MADCAM1: variants seen among roughly 807,000 people sequenced by gnomAD.
The protein encoded by MADCAM1 is mucosal vascular addressin cell adhesion molecule 1.
A neutral mutation model predicts 26.1 loss-of-function variants in MADCAM1; 19 were observed. That is an observed-to-expected ratio of 0.73 (90% confidence interval 0.51 to 1.07). MADCAM1 has a LOEUF of 1.07. MADCAM1 is among the 50% of genes least tolerant of loss of function. The probability of loss-of-function intolerance (pLI) is 0.00; values close to 1 mark genes in which losing one functional copy is unlikely to be tolerated. For missense variants in MADCAM1, 514 were observed against 542.1 expected, an observed-to-expected ratio of 0.95 and a Z score of 0.51; for synonymous variants, 268 against 260.9, an observed-to-expected ratio of 1.03 and a Z score of -0.26.
At chr19:502,516 G>T (rs918222308) in intron 4 of MADCAM1, among the ~76,000 whole-genome samples, 4 of 152,028 alleles carry the variant, frequency 2.6e-5, no homozygotes, top group Non-Finnish European at 5.9e-5. Context: ...TGACCACGCT[G>T]GTCTCCAACT....
In MADCAM1 at chr19:497,816, A is replaced by AGCCGCGGTC; in HGVS notation, c.53-11_53-3dup. On this transcript the variant is annotated splice_polypyrimidine_tract_variant and intron_variant, in intron 1 of 4. Coordinates refer to ENST00000215637, the MANE Select transcript of MADCAM1 (RefSeq NM_130760.3). ...CCGGGACTCCGCGGGGCTGAGCGAG[A>AGCCGCGGTC]GCCGCGGTCGCCGCAGGCCAGTCCC... 1 of 1,269,064 alleles carries AGCCGCGGTC rather than the reference A, an allele frequency of 7.9e-7. No individual in the cohort carries two copies. Among genetic ancestry groups the AGCCGCGGTC allele is most frequent in the Non-Finnish European group, 9.9e-7 (1 of 1,009,794 alleles). 78.6% of individuals were successfully genotyped at this position (1,269,064 alleles called of 1,614,324 possible).
intron 3 of MADCAM1, chr19:499,914 G>A: frequency 2.2e-6 from 1 of 453,822 alleles, no homozygotes; most frequent in Non-Finnish European, 4.4e-6. Flanking sequence ...CCATGTTAAT[G>A]GACGTGAGGT....
Position 502,062 on chromosome 19 carries a change from T to C in MADCAM1, c.928+133T>C, listed in dbSNP as rs183603420. 1,560 of 1,034,390 alleles carry C rather than the reference T, an allele frequency of 1.5e-3. 24 individuals carry two copies. In the African/African-American group the frequency reaches 0.023, roughly 15 times the overall value. 64.1% of individuals were successfully genotyped at this position (1,034,390 alleles called of 1,614,324 possible). On this transcript the variant is annotated intron_variant, in intron 4 of 4. Coordinates refer to ENST00000215637, the MANE Select transcript of MADCAM1 (RefSeq NM_130760.3). The stretch of plus-strand genomic sequence containing the variant: ...CGTCTGCCCAGCCTCAGTTTCCCCG[T>C]CTGCCCAGCCTCGGTTTCCCCATCT...
At chr19:498,933 G>C (rs1048902262) in intron 3 of MADCAM1, 108 bp downstream of exon 3, 1 of 1,361,374 alleles carries the variant, frequency 7.3e-7, no homozygotes, top group Non-Finnish European at 9.8e-7. Context: ...GGGGCGCTGG[G>C]AGGACTGGAT....
chr19:497,115 T>G (rs1165271983), intron 1 of MADCAM1, among the ~76,000 whole-genome samples: 21 of 7,396 alleles, frequency 2.8e-3, no homozygotes, highest in East Asian at 0.013. Context: ...TGGAGGGGGC[T>G]CAGGAGAGAG....
intron 4 of MADCAM1, among the ~76,000 whole-genome samples, chr19:503,356 C>G (rs188850314): frequency 1.4e-5 from 2 of 147,900 alleles, no homozygotes; most frequent in Non-Finnish European, 3.0e-5. Flanking sequence ...CCAAGGCGGG[C>G]GGATCACGAG....
intron 3 of MADCAM1, chr19:500,083 G>T (rs1420208460): frequency 2.2e-6 from 1 of 456,038 alleles, no homozygotes; most frequent in South Asian, 1.5e-5. Context: ...CTCCCCATCA[G>T]TCCCACAGGG....
In MADCAM1 at chr19:498,563, G is replaced by C; in HGVS notation, c.405G>C (p.Thr135=). ...CTGGTGACCCGGAGGTGGCCTGTAC[G>C]GCCCACAAAGTCACGCCCGTGGACC... ...LVPGDPEVAC[T]AHKVTPVDPN... The change falls in exon 3 of 5, where the codon ACG becomes ACC. Residue 135 remains threonine, a synonymous_variant. Transcript: ENST00000215637. The C allele has an allele frequency of 6.8e-7, 1 of 1,476,874 alleles. No individual in the cohort carries two copies. Among genetic ancestry groups the C allele is most frequent in the East Asian group, 2.6e-5 (1 of 38,942 alleles). 91.5% of individuals were successfully genotyped at this position (1,476,874 alleles called of 1,614,324 possible). A position where few individuals can be genotyped will look rare whatever the true frequency, so the allele number is the denominator to read the frequency against.
Position 501,814 on chromosome 19 carries a change from G to GC in MADCAM1, c.816dup (p.Ala273ArgfsTer22). On this transcript the variant is annotated frameshift_variant, in exon 4 of 5. Coordinates refer to ENST00000215637, the MANE Select transcript of MADCAM1 (RefSeq NM_130760.3). LOFTEE classifies it high-confidence loss of function. The stretch of plus-strand genomic sequence containing the variant: ...AGCCTCCCGACAAGACCTCCCCGGA[G>GC]CCCGCCCCCCAGCAGGGCTCCACAC... 6.4e-7 allele frequency: 1 copy of GC among 1,560,602 alleles called. No homozygotes were observed. Among genetic ancestry groups the GC allele is most frequent in the East Asian group, 2.4e-5 (1 of 41,140 alleles).
chr19:497,821 C>A lies in MADCAM1; in HGVS notation c.53-12C>A. On this transcript the variant is annotated splice_polypyrimidine_tract_variant and intron_variant, in intron 1 of 4. Transcript: ENST00000215637. ...ACTCCGCGGGGCTGAGCGAGAGCCG[C>A]GGTCGCCGCAGGCCAGTCCCTCCAG... 1.6e-6 allele frequency: 2 copies of A among 1,270,014 alleles called. No homozygotes were observed. Among genetic ancestry groups the A allele is most frequent in the Non-Finnish European group, 2.0e-6 (2 of 1,010,200 alleles). 78.7% of individuals were successfully genotyped at this position (1,270,014 alleles called of 1,614,324 possible). A position where few individuals can be genotyped will look rare whatever the true frequency, so the allele number is the denominator to read the frequency against.
At chr19:501,627 G>T in intron 3 of MADCAM1, 42 bp from the exon 4 acceptor site, 1 of 1,541,708 alleles carries the variant, frequency 6.5e-7, no homozygotes, top group African/African-American at 1.4e-5. Flanking sequence ...AGGCAAGCCT[G>T]GGGCAGCAGA....
At chr19:497,689 G>A in intron 1 of MADCAM1, 144 bp from the exon 2 acceptor site, 1 of 607,310 alleles carries the variant, frequency 1.6e-6, no homozygotes. Flanking sequence ...GGGTAGCGGC[G>A]GGGCAGGGGT....
Position 498,733 on chromosome 19 carries a change from C to T in MADCAM1, c.575C>T (p.Pro192Leu). ...AGGGTGACAGAGCGCTGGCGGCTGC[C>T]GCCCCTGGGGACCCCTGTCCCGCCC... ...LFRVTERWRL[P>L]PLGTPVPPAL... Residue 192 changes from proline to leucine, a missense_variant, in exon 3 of 5, where the codon CCG becomes CTG. By Grantham distance (98) the Pro-to-Leu change is moderately conservative. Coordinates refer to ENST00000215637, the MANE Select transcript of MADCAM1 (RefSeq NM_130760.3). 1.4e-6 allele frequency: 2 copies of T among 1,459,922 alleles called. No individual in the cohort carries two copies. Among genetic ancestry groups the T allele is most frequent in the East Asian group, 2.6e-5 (1 of 38,856 alleles). 90.4% of individuals were successfully genotyped at this position (1,459,922 alleles called of 1,614,324 possible). A position where few individuals can be genotyped will look rare whatever the true frequency, so the allele number is the denominator to read the frequency against.
At chr19:504,008 T>C (rs1461338302) in intron 4 of MADCAM1, among the ~76,000 whole-genome samples, 1 of 148,668 alleles carries the variant, frequency 6.7e-6, no homozygotes, top group African/African-American at 2.5e-5. Context: ...TGAGCTAAGA[T>C]CACGCCATTG....
chr19:504,803 G>C lies in MADCAM1; in HGVS notation c.987G>C (p.Leu329=). The C allele has an allele frequency of 6.2e-7, 1 of 1,612,984 alleles. No individual in the cohort carries two copies. The highest frequency in any genetic ancestry group is 8.5e-7 in the Non-Finnish European group (1 of 1,179,946). The change falls in exon 5 of 5, where the codon CTG becomes CTC. Residue 329 remains leucine, a synonymous_variant. Transcript: ENST00000215637. ...PAALWTSSAV[L]GLLLLALPTY... ...CTCTGTGGACCAGCAGTGCGGTGCT[G>C]GGACTGCTGCTCCTGGCCTTGCCCA... is the stretch of plus-strand genomic sequence containing the variant.
At position 497,813 on chromosome 19, in the gene MADCAM1, G is replaced by T. The variant is rs1477824529; in HGVS notation, c.53-20G>T. On this transcript the variant is annotated intron_variant, in intron 1 of 4. Coordinates refer to ENST00000215637, the MANE Select transcript of MADCAM1 (RefSeq NM_130760.3). ...GGTCCGGGACTCCGCGGGGCTGAGC[G>T]AGAGCCGCGGTCGCCGCAGGCCAGT... The T allele has an allele frequency of 7.9e-6, 10 of 1,268,928 alleles. No individual in the cohort carries two copies. Among genetic ancestry groups the T allele is most frequent in the Non-Finnish European group, 9.9e-6 (10 of 1,009,754 alleles). The allele number at this position is 1,268,928 out of a possible 1,614,324, so 78.6% of individuals were successfully genotyped here.
Position 497,877 on chromosome 19 carries a change from C to A in MADCAM1, c.97C>A (p.Pro33Thr). 2 of 1,348,976 alleles carry A rather than the reference C, an allele frequency of 1.5e-6. No homozygotes were observed. The highest frequency in any genetic ancestry group is 1.9e-6 in the Non-Finnish European group (2 of 1,058,436). 83.6% of individuals were successfully genotyped at this position (1,348,976 alleles called of 1,614,324 possible). Reference protein sequence around the residue: ...VKPLQVEPPEPVVAVALGASR... With the variant: ...VKPLQVEPPETVVAVALGASR... ...GCCCCTGCAGGTGGAGCCCCCGGAG[C>A]CGGTGGTGGCCGTGGCCTTGGGCGC... The change falls in exon 2 of 5, where the codon CCG becomes ACG. Residue 33 changes from proline (P) to threonine (T), a missense_variant. Pro to Thr is a conservative substitution (Grantham distance 38). Transcript: ENST00000215637.
In MADCAM1 at chr19:501,211, C is replaced by T. The variant is rs919916854; in HGVS notation, c.668-458C>T. Among the ~76,000 whole-genome samples the T allele has an allele frequency of 2.0e-5, 3 of 149,290 alleles. 1 individual carries two copies. Among genetic ancestry groups the T allele is most frequent in the East Asian group, 4.0e-4 (2 of 5,052 alleles). On this transcript the variant is annotated intron_variant, in intron 3 of 4. Transcript: ENST00000215637. ...CTCTAAAAAAAAAAACCAGGCCGGG[C>T]GTGGTGGCTCACGCCTGTAATCCCA...
chr19:497,732 C>A (rs1308546284), intron 1 of MADCAM1, 101 bp from the exon 2 acceptor site: 1 of 925,262 alleles, frequency 1.1e-6, no homozygotes, highest in Admixed American at 6.4e-5. Flanking sequence ...GGGAACCGGG[C>A]AGAGGCGGGG....
Sources: gnomAD v4.1 joint callset for allele counts (sites outside exome capture counted in the v4.1 genomes callset) on GRCh38, gnomAD v4.1.1 for gene constraint, MANE v1.5 for transcripts, NCBI Gene and HGNC (gene_info 2026-07-23, HGNC 2026-07-21) for gene names.